The following NPNT variants were observed in gnomAD, a reference collection of about 807,000 sequenced individuals.
The protein encoded by NPNT is preosteoblast EGF-like repeat protein with MAM domain.
A neutral mutation model predicts 68.6 loss-of-function variants in NPNT; 45 were observed. That is an observed-to-expected ratio of 0.66 (90% CI 0.52 to 0.84). The LOEUF is 0.84. Among genes scored for constraint, NPNT ranks in the 40% least tolerant of loss-of-function variants. The pLI is 0.00. For missense variants in NPNT, 672 were observed against 714.8 expected, an observed-to-expected ratio of 0.94 and a Z score of 0.68; for synonymous variants, 233 against 253.3, an observed-to-expected ratio of 0.92 and a Z score of 0.76.
intron 2 of NPNT, among the ~76,000 whole-genome samples, chr4:105,899,934 A>G (rs573064896): frequency 6.6e-6 from 1 of 152,218 alleles, no homozygotes; most frequent in Non-Finnish European, 1.5e-5. Context: ...GAACAAACCA[A>G]AAAGAGGCTG....
At chr4:105,903,582 C>T (rs28494137) in intron 2 of NPNT, among the ~76,000 whole-genome samples, 3,048 of 152,112 alleles carry the variant, frequency 0.02, 103 homozygotes, top group African/African-American at 0.068. Context: ...CCTTAAATAT[C>T]CCTCCTCAGA....
At chr4:105,963,329 G>C (rs1731883050) in intron 10 of NPNT, among the ~76,000 whole-genome samples, 1 of 152,090 alleles carries the variant, frequency 6.6e-6, no homozygotes, top group African/African-American at 2.4e-5. Context: ...TATGTGTTTG[G>C]ATATCCAATT....
At chr4:105,906,683 A>G (rs1446725589) in intron 2 of NPNT, among the ~76,000 whole-genome samples, 2 of 152,200 alleles carry the variant, frequency 1.3e-5, no homozygotes, top group African/African-American at 2.4e-5. Flanking sequence ...TTAAGTCGAT[A>G]TATTTTGAAG....
intron 10 of NPNT, among the ~76,000 whole-genome samples, chr4:105,965,344 A>C: frequency 6.7e-6 from 1 of 150,112 alleles, no homozygotes. Context: ...TACAAAGGGA[A>C]CGAATTCTTC....
rs545312512 is a variant in NPNT at position 105,925,405 on chromosome 4, C to T, written c.173-1931C>T. 2.6e-5 allele frequency among the ~76,000 whole-genome samples: 4 copies of T among 151,858 alleles called. No individual in the cohort carries two copies. In the East Asian group the frequency reaches 7.7e-4, roughly 29 times the overall value. Reference sequence around the variant, plus strand: ...GGGATGACAAACAGGCAAGGAAGGCCTGGAAGTAAAATTAGCAAAGAGGCC... The same window carrying T: ...GGGATGACAAACAGGCAAGGAAGGCTTGGAAGTAAAATTAGCAAAGAGGCC... On this transcript the variant is annotated intron_variant, in intron 2 of 11. Coordinates refer to ENST00000379987, the MANE Select transcript of NPNT (RefSeq NM_001033047.3).
At chr4:105,896,560 G>T (rs1482822486) in intron 1 of NPNT, among the ~76,000 whole-genome samples, 1 of 152,198 alleles carries the variant, frequency 6.6e-6, no homozygotes, top group Non-Finnish European at 1.5e-5. Context: ...TGGCTGCTGC[G>T]AAAAGAGGTT....
At chr4:105,967,757 TC>T (rs558568993) in intron 11 of NPNT, among the ~76,000 whole-genome samples, 50 of 152,266 alleles carry the variant, frequency 3.3e-4, no homozygotes, top group African/African-American at 1.1e-3. Context: ...AACAGAAACT[TC>T]CAAGGGTGGG....
chr4:105,896,273 G>T (rs1725836401), intron 1 of NPNT, among the ~76,000 whole-genome samples: 1 of 152,162 alleles, frequency 6.6e-6, no homozygotes, highest in Non-Finnish European at 1.5e-5. Context: ...TCAAAATGAG[G>T]ACCGGAGGGT....
intron 10 of NPNT, among the ~76,000 whole-genome samples, chr4:105,966,222 T>A (rs1008365194): frequency 6.6e-6 from 1 of 152,206 alleles, no homozygotes; most frequent in Non-Finnish European, 1.5e-5. Context: ...TTGACTGAGA[T>A]AAAATAGCCT....
intron 8 of NPNT, among the ~76,000 whole-genome samples, chr4:105,951,103 C>A (rs1478454154): frequency 6.6e-6 from 1 of 152,144 alleles, no homozygotes; most frequent in Non-Finnish European, 1.5e-5. Context: ...GCAGCTCCAA[C>A]CCAGCAGAAC....
chr4:105,899,876 A>G (rs1177045336), intron 2 of NPNT, among the ~76,000 whole-genome samples: 1 of 152,206 alleles, frequency 6.6e-6, no homozygotes, highest in East Asian at 1.9e-4. Flanking sequence ...TTGTTTTGAT[A>G]TAAGCAGGTA....
chr4:105,956,315 GC>G (rs1731219672), intron 8 of NPNT, among the ~76,000 whole-genome samples: 1 of 151,968 alleles, frequency 6.6e-6, no homozygotes, highest in Non-Finnish European at 1.5e-5. Context: ...CCAATGCTAT[GC>G]TTTTTGCTTG....
intron 3 of NPNT, chr4:105,932,602 C>T (rs1042574692): frequency 7.2e-6 from 11 of 1,529,110 alleles, no homozygotes; most frequent in Middle Eastern, 1.7e-4. Flanking sequence ...TTACCTTCTT[C>T]CTGGTGTGAA....
At chr4:105,931,230 T>C (rs1438766800) in intron 3 of NPNT, among the ~76,000 whole-genome samples, 3 of 152,180 alleles carry the variant, frequency 2.0e-5, no homozygotes, top group Non-Finnish European at 4.4e-5. Flanking sequence ...ATTTTTAGTA[T>C]GTAAATATAT....
chr4:105,937,167 G>T, intron 4 of NPNT, 39 bp downstream of exon 4: 1 of 1,608,288 alleles, frequency 6.2e-7, no homozygotes, highest in Non-Finnish European at 8.5e-7. Context: ...AGTGCTTTGG[G>T]CTTGTTTCTG....
intron 8 of NPNT, among the ~76,000 whole-genome samples, chr4:105,946,649 G>A (rs1382453312): frequency 1.3e-5 from 2 of 152,098 alleles, no homozygotes; most frequent in African/African-American, 4.8e-5. Flanking sequence ...AGGGTAGGGG[G>A]TACAAGAACA....
At chr4:105,951,590 C>A (rs1252686975) in intron 8 of NPNT, among the ~76,000 whole-genome samples, 1 of 152,142 alleles carries the variant, frequency 6.6e-6, no homozygotes, top group African/African-American at 2.4e-5. Context: ...AACAGTAAGA[C>A]CTGCAGAGAC....
rs1732541353 is a variant in NPNT at position 105,971,193 on chromosome 4, C to G, written c.*2203C>G. The G allele has an allele frequency of 2.2e-6, 1 of 455,408 alleles. No individual in the cohort carries two copies. Among genetic ancestry groups the G allele is most frequent in the Admixed American group, 2.4e-5 (1 of 42,520 alleles). 28.2% of individuals were successfully genotyped at this position (455,408 alleles called of 1,614,324 possible). On this transcript the variant is annotated 3_prime_UTR_variant, in exon 12 of 12. Transcript: ENST00000379987. ...CTTCGTGTGTGACAAGTTATCTTGG[C>G]TGCTGAGAAAGAGTGCCCTGCCCCA...
chr4:105,937,427 C>T (rs1729578172), intron 4 of NPNT, among the ~76,000 whole-genome samples: 1 of 143,178 alleles, frequency 7.0e-6, no homozygotes, highest in African/African-American at 2.6e-5. Context: ...TGTCTTCTAT[C>T]TGGGCATAGA....
Sources: gnomAD v4.1 joint callset for allele counts (sites outside exome capture counted in the v4.1 genomes callset) on GRCh38, gnomAD v4.1.1 for gene constraint, MANE v1.5 for transcripts, NCBI Gene and HGNC (gene_info 2026-07-23, HGNC 2026-07-21) for gene names.